SMIM44: variants seen among roughly 807,000 people sequenced by gnomAD.
The protein encoded by SMIM44 is small integral membrane protein 44.
At chr19:3,482,269 G>A in the SMIM44 span, among the ~76,000 whole-genome samples, 1 of 152,224 alleles carries the variant, frequency 6.6e-6, no homozygotes, top group Admixed American at 6.5e-5. Context: ...CGAGGCGGGG[G>A]CTGGAGAAGA....
chr19:3,482,753 G>C, the SMIM44 span: 6 of 397,390 alleles, frequency 1.5e-5, no homozygotes, highest in South Asian at 1.3e-4. Context: ...TCCGGCGCGC[G>C]TAAGTTCTGT....
At chr19:3,483,055 C>T in the SMIM44 span, 3 of 398,410 alleles carry the variant, frequency 7.5e-6, no homozygotes, top group Non-Finnish European at 1.3e-5. Flanking sequence ...GCCCAGTCTG[C>T]GGCAAGGGAG....
the SMIM44 span, among the ~76,000 whole-genome samples, chr19:3,482,135 A>G: frequency 1.3e-5 from 2 of 151,902 alleles, no homozygotes; most frequent in Non-Finnish European, 2.9e-5. Flanking sequence ...CATCTATTAA[A>G]CTCTGACTGT....
At chr19:3,482,880 G>A in the SMIM44 span, 11 of 397,668 alleles carry the variant, frequency 2.8e-5, no homozygotes, top group Non-Finnish European at 4.4e-5. Context: ...GCGGGGCTCC[G>A]GGGGAGGCGG....
chr19:3,482,743 T>C, the SMIM44 span: 1 of 397,352 alleles, frequency 2.5e-6, no homozygotes, highest in African/African-American at 2.1e-5. Context: ...CAGAAAGGGC[T>C]CCGGCGCGCG....
chr19:3,483,319 C>A, the SMIM44 span: 1 of 398,244 alleles, frequency 2.5e-6, no homozygotes, highest in East Asian at 3.6e-5. Context: ...CGGATGCTGT[C>A]CAGGGGCGGC....
chr19:3,482,421 C>T, the SMIM44 span, among the ~76,000 whole-genome samples: 7 of 152,364 alleles, frequency 4.6e-5, no homozygotes, highest in Middle Eastern at 3.4e-3. Flanking sequence ...CACTTCATCA[C>T]TGCGTGCCTC....
the SMIM44 span, chr19:3,482,753 G>T: frequency 5.8e-5 from 23 of 397,390 alleles, no homozygotes; most frequent in Non-Finnish European, 9.8e-5. Flanking sequence ...TCCGGCGCGC[G>T]TAAGTTCTGT....
At chr19:3,483,352 G>T in the SMIM44 span, 1 of 398,206 alleles carries the variant, frequency 2.5e-6, no homozygotes, top group Non-Finnish European at 4.4e-6. Context: ...TCGTACAGCG[G>T]CGGGGACGGG....
chr19:3,482,864 G>C, the SMIM44 span: 3 of 397,952 alleles, frequency 7.5e-6, no homozygotes, highest in East Asian at 3.6e-5. Flanking sequence ...AGGCAATGGA[G>C]GGGCGGCGGG....
chr19:3,482,657 G>T, the SMIM44 span: 1 of 394,760 alleles, frequency 2.5e-6, no homozygotes, highest in Non-Finnish European at 4.5e-6. Flanking sequence ...TGTGAAAGTC[G>T]CCAGCGTCCA....
chr19:3,482,254 G>A, the SMIM44 span, among the ~76,000 whole-genome samples: 1 of 152,238 alleles, frequency 6.6e-6, no homozygotes, highest in Non-Finnish European at 1.5e-5. Context: ...AGCAAACCCA[G>A]CAGCCGAGGC....
chr19:3,483,432 G>T, the SMIM44 span: 1 of 397,524 alleles, frequency 2.5e-6, no homozygotes, highest in Non-Finnish European at 4.4e-6. Flanking sequence ...GGGAGGCCCG[G>T]AGGTGACCCA....
the SMIM44 span, among the ~76,000 whole-genome samples, chr19:3,482,491 C>T: frequency 6.6e-6 from 1 of 152,224 alleles, no homozygotes; most frequent in Non-Finnish European, 1.5e-5. Context: ...AAATGAGATA[C>T]TGCATAGAAA....
the SMIM44 span, chr19:3,482,724 C>T: frequency 2.5e-6 from 1 of 396,992 alleles, no homozygotes; most frequent in Admixed American, 4.4e-5. Context: ...CCGGGCAGCT[C>T]AGGGTTTGCA....
chr19:3,483,153 A>G, the SMIM44 span: 92 of 398,180 alleles, frequency 2.3e-4, 1 homozygote, highest in East Asian at 3.2e-3. Flanking sequence ...CCACCCACCC[A>G]GGGTGACCCA....
the SMIM44 span, chr19:3,482,654 G>A: frequency 7.6e-6 from 3 of 395,050 alleles, no homozygotes; most frequent in African/African-American, 6.2e-5. Flanking sequence ...GTATGTGAAA[G>A]TCGCCAGCGT....
At chr19:3,482,733 C>G in the SMIM44 span, 74 of 397,312 alleles carry the variant, frequency 1.9e-4, no homozygotes, top group South Asian at 4.0e-4. Flanking sequence ...TCAGGGTTTG[C>G]AGAAAGGGCT....
At chr19:3,483,098 T>A in the SMIM44 span, 7 of 398,342 alleles carry the variant, frequency 1.8e-5, no homozygotes, top group South Asian at 8.9e-4. Flanking sequence ...CCGGCCACCC[T>A]CCTCTGTCCC....
Sources: gnomAD v4.1 joint callset for allele counts (sites outside exome capture counted in the v4.1 genomes callset) on GRCh38, gnomAD v4.1.1 for gene constraint, MANE v1.5 for transcripts, NCBI Gene and HGNC (gene_info 2026-07-23, HGNC 2026-07-21) for gene names.